The following DUSP22 variants were observed in gnomAD, a reference collection of about 807,000 sequenced individuals.
DUSP22 encodes dual specificity phosphatase 22.
DUSP22 carries 24 observed loss-of-function variants against 24.5 expected under a neutral mutation model. The observed-to-expected ratio is 0.98, with a 90% CI of 0.71 to 1.38. DUSP22 has a LOEUF of 1.38. Ranked by LOEUF, DUSP22 falls within the 40% of genes most tolerant of loss-of-function variation. The pLI, the probability that DUSP22 is intolerant of heterozygous loss-of-function variation, is 0.00. For missense variants in DUSP22, 330 were observed against 269.2 expected, an observed-to-expected ratio of 1.23 and a Z score of -1.58; for synonymous variants, 160 against 106.4, an observed-to-expected ratio of 1.50 and a Z score of -3.10.
At chr6:296,489 T>A (rs1367612873) in intron 1 of DUSP22, among the ~76,000 whole-genome samples, 2 of 152,310 alleles carry the variant, frequency 1.3e-5, no homozygotes, top group Non-Finnish European at 2.9e-5. Context: ...CTAGTAAATG[T>A]CTCTGGTAAG....
chr6:344,951 G>T (rs553010671), intron 4 of DUSP22, among the ~76,000 whole-genome samples: 43 of 152,408 alleles, frequency 2.8e-4, no homozygotes, highest in African/African-American at 1.0e-3. Context: ...CTGCTGTGCT[G>T]CTGGGGCATT....
chr6:332,620 T>C (rs182712100), intron 3 of DUSP22, among the ~76,000 whole-genome samples: 2 of 151,236 alleles, frequency 1.3e-5, no homozygotes, highest in Non-Finnish European at 2.9e-5. Flanking sequence ...CAGCAGACCC[T>C]CTGTCCATTC....
chr6:303,894 G>GA (rs1757698825), intron 1 of DUSP22, among the ~76,000 whole-genome samples: 1 of 152,302 alleles, frequency 6.6e-6, no homozygotes, highest in Admixed American at 6.5e-5. Flanking sequence ...ATTTTTAACA[G>GA]ATTCTGGAGT....
chr6:315,292 TGCTCTCTGTCG>T (rs1241565293), intron 3 of DUSP22, among the ~76,000 whole-genome samples: 1 of 152,306 alleles, frequency 6.6e-6, no homozygotes, highest in Non-Finnish European at 1.5e-5. Context: ...TATGCCCCAC[TGCTCTCTGTCG>T]GAGACAGAAA....
At chr6:312,942 C>T (rs114027143) in intron 3 of DUSP22, among the ~76,000 whole-genome samples, 2,138 of 151,238 alleles carry the variant, frequency 0.014, no homozygotes, top group African/African-American at 0.049. Context: ...CGAGCTCCTA[C>T]TTCCTTGTAT....
At chr6:324,075 C>T (rs919525998) in intron 3 of DUSP22, among the ~76,000 whole-genome samples, 2 of 152,300 alleles carry the variant, frequency 1.3e-5, no homozygotes, top group Admixed American at 1.3e-4. Flanking sequence ...AAAAACTGTT[C>T]CTTTAAGCTG....
At chr6:292,874 C>G (rs1310701223) in intron 1 of DUSP22, among the ~76,000 whole-genome samples, 1 of 152,410 alleles carries the variant, frequency 6.6e-6, no homozygotes, top group Admixed American at 6.5e-5. Context: ...CAGCTGAGCT[C>G]CGAATGGATG....
intron 4 of DUSP22, among the ~76,000 whole-genome samples, chr6:342,181 AGT>A (rs1378724576): frequency 1.3e-5 from 2 of 152,310 alleles, no homozygotes; most frequent in African/African-American, 4.8e-5. Context: ...TGGTCTTTGC[AGT>A]GTGTTCTGAC....
At chr6:299,858 C>T (rs1426861857) in intron 1 of DUSP22, among the ~76,000 whole-genome samples, 4 of 152,418 alleles carry the variant, frequency 2.6e-5, no homozygotes, top group African/African-American at 7.2e-5. Context: ...AAAGGGGCAG[C>T]GTTCCCTCTC....
At chr6:325,137 T>G (rs1360866499) in intron 3 of DUSP22, 2 of 182,884 alleles carry the variant, frequency 1.1e-5, no homozygotes, top group Non-Finnish European at 2.3e-5. Context: ...GAGAGTCATC[T>G]GCCCTGGGCT....
At chr6:309,919 A>G (rs1324092316) in intron 2 of DUSP22, among the ~76,000 whole-genome samples, 2 of 152,300 alleles carry the variant, frequency 1.3e-5, no homozygotes, top group African/African-American at 2.4e-5. Flanking sequence ...CAGAACCATG[A>G]TAATTAAACA....
In DUSP22 at chr6:350,967, G is replaced by C. The variant is rs1045131858; in HGVS notation, c.*2016G>C. On this transcript the variant is annotated 3_prime_UTR_variant, in exon 7 of 7. Transcript: ENST00000419235. ...GAGTTTAAGTATCCAGTAGTGATTT[G>C]TAAACTTGTTTTTCATTTGAAGCTG... 1 of 1,528,474 alleles carries C rather than the reference G, an allele frequency of 6.5e-7. No individual in the cohort carries two copies. Among genetic ancestry groups the C allele is most frequent in the Non-Finnish European group, 9.0e-7 (1 of 1,110,262 alleles). 94.7% of individuals were successfully genotyped at this position (1,528,474 alleles called of 1,614,324 possible). A position where few individuals can be genotyped will look rare whatever the true frequency, so the allele number is the denominator to read the frequency against.
At chr6:341,015 G>A (rs528222381) in intron 4 of DUSP22, among the ~76,000 whole-genome samples, 21 of 152,406 alleles carry the variant, frequency 1.4e-4, no homozygotes, top group African/African-American at 5.0e-4. Flanking sequence ...CAGAAAGGAA[G>A]GGACCCAGGC....
At chr6:338,946 A>T (rs1170620639) in intron 4 of DUSP22, among the ~76,000 whole-genome samples, 1 of 152,424 alleles carries the variant, frequency 6.6e-6, no homozygotes, top group South Asian at 2.1e-4. Flanking sequence ...TATCCTCTCA[A>T]ATCTCCCTCT....
intron 3 of DUSP22, among the ~76,000 whole-genome samples, chr6:331,430 C>CT (rs1226477929): frequency 1.7e-3 from 254 of 152,198 alleles, no homozygotes; most frequent in Middle Eastern, 0.014. Flanking sequence ...ATTTTTATTG[C>CT]TTTTTTTTTA....
intron 4 of DUSP22, among the ~76,000 whole-genome samples, chr6:341,968 G>T (rs1759627543): frequency 1.7e-5 from 1 of 58,600 alleles, no homozygotes; most frequent in South Asian, 7.1e-4. Flanking sequence ...CCCACAATAT[G>T]TAAGAAGCCC....
At chr6:321,113 G>T (rs929863220) in intron 3 of DUSP22, among the ~76,000 whole-genome samples, 1 of 152,412 alleles carries the variant, frequency 6.6e-6, no homozygotes, top group South Asian at 2.1e-4. Flanking sequence ...TGATCATAGA[G>T]GTTTGCCAGG....
chr6:326,136 C>T (rs1758859968), intron 3 of DUSP22: 1 of 235,988 alleles, frequency 4.2e-6, no homozygotes, highest in African/African-American at 2.5e-5. Flanking sequence ...GGAGAGTCGT[C>T]TTCCCTCGGC....
At chr6:332,602 G>A (rs1358725667) in intron 3 of DUSP22, among the ~76,000 whole-genome samples, 1 of 152,214 alleles carries the variant, frequency 6.6e-6, no homozygotes, top group Non-Finnish European at 1.5e-5. Context: ...AGCCAGCAAA[G>A]AGCTATTCAG....
Sources: gnomAD v4.1 joint callset for allele counts (sites outside exome capture counted in the v4.1 genomes callset) on GRCh38, gnomAD v4.1.1 for gene constraint, MANE v1.5 for transcripts, NCBI Gene and HGNC (gene_info 2026-07-23, HGNC 2026-07-21) for gene names.